DCN: variants seen among roughly 807,000 people sequenced by gnomAD.
DCN encodes decorin, also known as bone proteoglycan II.
In DCN, 17 loss-of-function variants were observed where a neutral mutation model predicts 36.5. That is an observed-to-expected ratio of 0.47 (90% CI 0.32 to 0.70). The LOEUF (loss-of-function observed/expected upper bound fraction) is 0.70. Ranked by LOEUF, DCN falls within the 30% of genes least tolerant of loss-of-function variation. The probability of loss-of-function intolerance (pLI) is 0.04; values close to 1 mark genes in which losing one functional copy is unlikely to be tolerated. For missense variants in DCN, 389 were observed against 430.1 expected, an observed-to-expected ratio of 0.90 and a Z score of 0.84; for synonymous variants, 163 against 161.4, an observed-to-expected ratio of 1.01 and a Z score of -0.07.
intron 2 of DCN, chr12:91,172,835 T>C: frequency 1.5e-6 from 1 of 663,172 alleles, no homozygotes; most frequent in Non-Finnish European, 2.7e-6. Flanking sequence ...TGTGTAGAGG[T>C]TGTACGAAGA....
chr12:91,157,846 T>C (rs1881895374), intron 4 of DCN, among the ~76,000 whole-genome samples: 1 of 152,104 alleles, frequency 6.6e-6, no homozygotes, highest in South Asian at 2.1e-4. Context: ...GCCAGGATGG[T>C]CTCGATCTCC....
At position 91,157,089 on chromosome 12, in the gene DCN, G is replaced by A. The variant is rs201740609; in HGVS notation, c.638C>T (p.Thr213Ile). Residue 213 changes from threonine to isoleucine, a missense_variant, in exon 5 of 8, where the codon ACC (threonine) becomes ATC (isoleucine). Transcript: ENST00000052754. ...SYIRIADTNITSIPQGLPPSL... is the reference protein window; with the variant it reads ...SYIRIADTNIISIPQGLPPSL... Reference sequence around the variant, plus strand: ...TCTTCTATCACCTTGAGGAATGCTGGTGATATTGGTATCAGCAATGCGGAT... The same window carrying A: ...TCTTCTATCACCTTGAGGAATGCTGATGATATTGGTATCAGCAATGCGGAT... The A allele has an allele frequency of 1.8e-5, 28 of 1,598,572 alleles. 1 individual carries two copies. The African/African-American group carries it at 2.1e-4, about 12-fold the overall frequency.
chr12:91,157,764 T>G lies in DCN; in HGVS notation c.538+532A>C, dbSNP rs3138244. 9.5e-3 allele frequency among the ~76,000 whole-genome samples: 1,439 copies of G among 151,862 alleles called. 26 individuals are homozygous for G. Among genetic ancestry groups the G allele is most frequent in the African/African-American group, 0.033 (1,369 of 41,442 alleles). Reference sequence around the variant, plus strand: ...CTGCCTCAGCCTCCCGAGTAGCTGGTACTACAGGCCCCCACCACCACGCCC... The same window carrying G: ...CTGCCTCAGCCTCCCGAGTAGCTGGGACTACAGGCCCCCACCACCACGCCC... On this transcript the variant is annotated intron_variant, in intron 4 of 7. Transcript: ENST00000052754.
intron 5 of DCN, among the ~76,000 whole-genome samples, 186 bp from the exon 6 acceptor site, chr12:91,153,375 G>A (rs1376312831): frequency 6.6e-6 from 1 of 151,858 alleles, no homozygotes; most frequent in South Asian, 2.1e-4. Context: ...AGTAGTGGAA[G>A]CCCTTGCTAT....
intron 5 of DCN, 90 bp downstream of exon 5, chr12:91,156,985 T>C (rs1242446174): frequency 3.3e-6 from 3 of 896,654 alleles, no homozygotes; most frequent in Non-Finnish European, 3.6e-6. Context: ...GCCTCTTAGG[T>C]GACAATTCCA....
chr12:91,161,606 G>A (rs372677099), intron 3 of DCN, among the ~76,000 whole-genome samples: 3 of 152,148 alleles, frequency 2.0e-5, no homozygotes, highest in African/African-American at 7.2e-5. Context: ...GTTCTCATCA[G>A]CGGAAAGAGA....
intron 3 of DCN, among the ~76,000 whole-genome samples, chr12:91,164,366 T>TA (rs368050582): frequency 0.43 from 31,501 of 72,970 alleles, 4,624 homozygotes; most frequent in East Asian, 0.46. Context: ...TAGAGTATAA[T>TA]AAAAAAAAAA....
At position 91,157,632 on chromosome 12, in the gene DCN, A is replaced by AT. The variant is rs1302071422; in HGVS notation, c.539-445_539-444insA. On this transcript the variant is annotated intron_variant, in intron 4 of 7. Transcript: ENST00000052754. Reference sequence around the variant, plus strand: ...ACAATTTTTACTATATGTTTAGAGAAATTTTTTTTTTTTTGAGACGTAGTC... The same window carrying AT: ...ACAATTTTTACTATATGTTTAGAGAATATTTTTTTTTTTTTGAGACGTAGTC... 2.6e-5 allele frequency among the ~76,000 whole-genome samples: 4 copies of AT among 151,272 alleles called. No individual in the cohort carries two copies. The East Asian group carries it at 6.2e-4, about 24-fold the overall frequency.
intron 2 of DCN, among the ~76,000 whole-genome samples, chr12:91,170,123 A>G (rs1235250459): frequency 1.3e-5 from 2 of 151,974 alleles, no homozygotes; most frequent in East Asian, 3.9e-4. Flanking sequence ...CTCTGTCCTC[A>G]GTTTTCTTAA....
At chr12:91,164,906 A>C (rs1882452290) in intron 2 of DCN, among the ~76,000 whole-genome samples, 189 bp from the exon 3 acceptor site, 1 of 152,190 alleles carries the variant, frequency 6.6e-6, no homozygotes. Flanking sequence ...AACCAAGTCA[A>C]ATGACTTTTT....
At position 91,165,072 on chromosome 12, in the gene DCN, C is replaced by T. The variant is rs566891848; in HGVS notation, c.212-355G>A. 5.3e-4 allele frequency among the ~76,000 whole-genome samples: 80 copies of T among 152,230 alleles called. 1 individual carries two copies. Among genetic ancestry groups the T allele is most frequent in the Admixed American group, 2.9e-3 (44 of 15,284 alleles). On this transcript the variant is annotated intron_variant, in intron 2 of 7. Transcript: ENST00000052754. Reference sequence around the variant, plus strand: ...TAGTTATTTTGATAAGTAGTCAGCACGAGTGATTGGCAAATTTATACATTT... The same window carrying T: ...TAGTTATTTTGATAAGTAGTCAGCATGAGTGATTGGCAAATTTATACATTT...
intron 7 of DCN, among the ~76,000 whole-genome samples, chr12:91,149,338 A>C (rs1265316096): frequency 1.3e-5 from 2 of 152,220 alleles, no homozygotes; most frequent in African/African-American, 2.4e-5. Flanking sequence ...TATATCAAAA[A>C]TATAAAGGCC....
At chr12:91,181,854 G>T (rs1298113924) in intron 1 of DCN, among the ~76,000 whole-genome samples, 2 of 150,944 alleles carry the variant, frequency 1.3e-5, no homozygotes, top group Non-Finnish European at 3.0e-5. Context: ...ACAAACAAGG[G>T]TTACTATAGG....
chr12:91,172,794 TAAAGAGTCTAC>T lies in DCN; in HGVS notation c.211+5537_211+5547del, dbSNP rs3138183. 5.5e-3 allele frequency: 3,859 copies of T among 700,082 alleles called. 92 individuals carry two copies. The African/African-American group carries it at 0.057, about 10-fold the overall frequency. 43.4% of individuals were successfully genotyped at this position (700,082 alleles called of 1,614,324 possible). ...CATTCATCAATCGTTCAGTGATGTG[TAAAGAGTCTAC>T]AAAGTATAAGGCAGTTTGTTGTGTA... On this transcript the variant is annotated intron_variant, in intron 2 of 7. Coordinates refer to ENST00000052754, the MANE Select transcript of DCN (RefSeq NM_001920.5).
intron 2 of DCN, chr12:91,175,969 C>A (rs968447591): frequency 6.6e-6 from 1 of 151,976 alleles, no homozygotes; most frequent in South Asian, 2.1e-4. Context: ...GTACCTCACA[C>A]GATTAATAGG....
At chr12:91,153,949 C>T (rs185881259) in intron 5 of DCN, among the ~76,000 whole-genome samples, 89 of 152,132 alleles carry the variant, frequency 5.9e-4, no homozygotes, top group Non-Finnish European at 9.9e-4. Context: ...ATTTTCATTT[C>T]CTCCTAGCAT....
chr12:91,146,115 T>C lies in DCN; in HGVS notation c.1023A>G (p.Pro341=), dbSNP rs755658800. The part of the protein sequence containing the change: ...SNPVQYWEIQ[P]STFRCVYVRS... Reference sequence around the variant, plus strand: ...GCACGTAGACACATCTGAAGGTGGATGGCTGTATCTCCCAGTACTGGACCG... The same window carrying C: ...GCACGTAGACACATCTGAAGGTGGACGGCTGTATCTCCCAGTACTGGACCG... The change falls in exon 8 of 8, where the codon CCA becomes CCG. Residue 341 remains proline, a synonymous_variant. Coordinates refer to ENST00000052754, the MANE Select transcript of DCN (RefSeq NM_001920.5). 7 of 1,614,006 alleles carry C rather than the reference T, an allele frequency of 4.3e-6. No homozygotes were observed. In the East Asian group the frequency reaches 8.9e-5, roughly 21 times the overall value.
intron 2 of DCN, chr12:91,175,252 A>G (rs2095955585): frequency 6.6e-6 from 1 of 152,002 alleles, no homozygotes; most frequent in Non-Finnish European, 1.5e-5. Context: ...GGTTCCAATT[A>G]CAAGGTAAGT....
At chr12:91,179,211 A>G (rs1290388467) in intron 1 of DCN, 1 of 158,136 alleles carries the variant, frequency 6.3e-6, no homozygotes, top group Non-Finnish European at 1.4e-5. Context: ...TGGCTTATCA[A>G]TACTGTCCAC....
Sources: allele counts gnomAD v4.1 joint callset (sites outside exome capture counted in the v4.1 genomes callset), GRCh38; gene constraint gnomAD v4.1.1; transcripts MANE v1.5; gene names NCBI Gene and HGNC (gene_info 2026-07-23, HGNC 2026-07-21).